The following ACACA variants were observed in gnomAD, a reference collection of about 807,000 sequenced individuals.
The protein encoded by ACACA is acetyl-CoA carboxylase alpha, also known as acetyl-CoA carboxylase 1.
ACACA carries 103 observed loss-of-function variants against 296.1 expected under a neutral mutation model. The observed-to-expected ratio is 0.35, with a 90% confidence interval of 0.30 to 0.41. The LOEUF (loss-of-function observed/expected upper bound fraction) is 0.41. Ranked by LOEUF, ACACA falls within the 10% of genes least tolerant of loss-of-function variation. The pLI, the probability that ACACA is intolerant of heterozygous loss-of-function variation, is 1.00. For missense variants in ACACA, 1,554 were observed against 2,989.7 expected, an observed-to-expected ratio of 0.52 and a Z score of 11.20; for synonymous variants, 953 against 1,038.6, an observed-to-expected ratio of 0.92 and a Z score of 1.58.
chr17:37,224,287 A>C (rs1465451926), intron 27 of ACACA, among the ~76,000 whole-genome samples: 1 of 152,210 alleles, frequency 6.6e-6, no homozygotes, highest in South Asian at 2.1e-4. Flanking sequence ...CCTAGATTTC[A>C]GCTATTAACC....
At chr17:37,163,406 A>G (rs1208850991) in intron 41 of ACACA, among the ~76,000 whole-genome samples, 1 of 152,072 alleles carries the variant, frequency 6.6e-6, no homozygotes, top group Admixed American at 6.6e-5. Flanking sequence ...TGATCCAAAA[A>G]TAAACATCTT....
At chr17:37,403,299 G>A (rs961293283) in intron 1 of ACACA, among the ~76,000 whole-genome samples, 1 of 151,542 alleles carries the variant, frequency 6.6e-6, no homozygotes, top group Non-Finnish European at 1.5e-5. Context: ...CAAAAACCCA[G>A]AGGAGTACTG....
At chr17:37,147,069 C>A (rs2075842307) in intron 45 of ACACA, among the ~76,000 whole-genome samples, 1 of 151,962 alleles carries the variant, frequency 6.6e-6, no homozygotes, top group African/African-American at 2.4e-5. Flanking sequence ...CCCCTACAAC[C>A]TCTGAACACC....
chr17:37,267,934 T>C (rs970667341), intron 10 of ACACA, among the ~76,000 whole-genome samples: 1 of 152,130 alleles, frequency 6.6e-6, no homozygotes, highest in African/African-American at 2.4e-5. Flanking sequence ...CTAATTTTTG[T>C]ATTTTTAGTA....
chr17:37,339,066 A>C (rs1006159468), intron 2 of ACACA, among the ~76,000 whole-genome samples: 4 of 152,228 alleles, frequency 2.6e-5, no homozygotes, highest in African/African-American at 9.6e-5. Flanking sequence ...AGAACACCAA[A>C]AGTTACAGCA....
At position 37,113,517 on chromosome 17, in the gene ACACA, C is replaced by G. The variant is rs1310396770; in HGVS notation, c.6275-252G>C. ...ACAGTGTGTAAGTCTTCCAGATTGC[C>G]TTTCCATTTTATATCCTCTCTGAAT... On this transcript the variant is annotated intron_variant, in intron 50 of 55. Coordinates refer to ENST00000616317, the MANE Select transcript of ACACA (RefSeq NM_198834.3). This position sits in a 1 kb window ranked among gnomAD's most constrained non-coding sequence, Gnocchi z 4.0. Among the ~76,000 whole-genome samples the G allele has an allele frequency of 6.6e-6, 1 of 152,164 alleles. No individual in the cohort carries two copies. Among genetic ancestry groups the G allele is most frequent in the Non-Finnish European group, 1.5e-5 (1 of 68,026 alleles).
intron 3 of ACACA, among the ~76,000 whole-genome samples, chr17:37,297,741 G>C (rs973819427): frequency 1.3e-5 from 2 of 151,886 alleles, no homozygotes; most frequent in Admixed American, 1.3e-4. Context: ...AGTAGAGACG[G>C]GGTTTCACCA....
Position 37,159,826 on chromosome 17 carries a change from A to T in ACACA, c.5349+1955T>A, listed in dbSNP as rs554216326. Among the ~76,000 whole-genome samples the T allele has an allele frequency of 7.2e-5, 11 of 152,366 alleles. 1 individual carries two copies. The East Asian group carries it at 2.1e-3, about 29-fold the overall frequency. On this transcript the variant is annotated intron_variant, in intron 42 of 55. Coordinates refer to ENST00000616317, the MANE Select transcript of ACACA (RefSeq NM_198834.3). ...TCTTACATTTAAAGATGTGAAAGGC[A>T]GCAAAGGAAACTGAGAAAGAGGAGC... is the stretch of plus-strand genomic sequence containing the variant.
intron 3 of ACACA, among the ~76,000 whole-genome samples, chr17:37,300,496 A>G (rs1184971471): frequency 6.6e-6 from 1 of 152,194 alleles, no homozygotes; most frequent in Non-Finnish European, 1.5e-5. Flanking sequence ...ACCATAAAAA[A>G]TTTATTCCCA....
chr17:37,241,939 T>C lies in ACACA; in HGVS notation c.3032+14A>G. 6.2e-7 allele frequency: 1 copy of C among 1,605,130 alleles called. No individual in the cohort carries two copies. Among genetic ancestry groups the C allele is most frequent in the African/African-American group, 1.3e-5 (1 of 74,768 alleles). ...TATGGACAGGTCTGGGAATCTGGAG[T>C]TACAAGTTACTACCTCTGTACCAGC... On this transcript the variant is annotated intron_variant, in intron 23 of 55. Transcript: ENST00000616317.
chr17:37,287,563 C>A (rs1166571891), intron 3 of ACACA, among the ~76,000 whole-genome samples: 4 of 131,270 alleles, frequency 3.0e-5, no homozygotes, highest in Non-Finnish European at 4.7e-5. Context: ...GAAACCACGT[C>A]TCTACTAAAA....
At chr17:37,126,137 G>C (rs1018622637) in intron 47 of ACACA, among the ~76,000 whole-genome samples, 1 of 152,190 alleles carries the variant, frequency 6.6e-6, no homozygotes, top group Non-Finnish European at 1.5e-5. Context: ...AGGCTGCCAA[G>C]TCATTAAAGA....
chr17:37,132,613 T>C (rs2075153350), intron 45 of ACACA, among the ~76,000 whole-genome samples: 1 of 152,212 alleles, frequency 6.6e-6, no homozygotes, highest in South Asian at 2.1e-4. Flanking sequence ...ACAATCTAGG[T>C]CAGGAGCCAA....
At chr17:37,092,134 G>C (rs1226006926) in intron 54 of ACACA, among the ~76,000 whole-genome samples, 2 of 151,854 alleles carry the variant, frequency 1.3e-5, no homozygotes, top group Non-Finnish European at 2.9e-5. Flanking sequence ...AAAAAAATCA[G>C]CCAGGTGGGG....
chr17:37,233,465 A>G (rs1182498659), intron 25 of ACACA, among the ~76,000 whole-genome samples: 2 of 152,220 alleles, frequency 1.3e-5, no homozygotes, highest in Non-Finnish European at 2.9e-5. Flanking sequence ...CCGCTGCTCC[A>G]AGGATTCTAG....
intron 52 of ACACA, 26 bp downstream of exon 52, chr17:37,111,504 AT>A: frequency 6.4e-7 from 1 of 1,561,998 alleles, no homozygotes; most frequent in South Asian, 1.1e-5. Context: ...TGGCTCATTG[AT>A]TTGCCAGAAG....
intron 29 of ACACA, among the ~76,000 whole-genome samples, chr17:37,215,908 A>G (rs1397694128): frequency 1.3e-5 from 2 of 152,128 alleles, no homozygotes; most frequent in Non-Finnish European, 2.9e-5. Context: ...CAGAATCTTC[A>G]ATGAGAGAAT....
intron 41 of ACACA, among the ~76,000 whole-genome samples, chr17:37,176,865 C>G (rs1377288022): frequency 6.6e-6 from 1 of 152,158 alleles, no homozygotes; most frequent in African/African-American, 2.4e-5. Context: ...ACTGACTTCA[C>G]CAGCCATCCT....
At chr17:37,108,422 C>T (rs2073807664) in intron 52 of ACACA, among the ~76,000 whole-genome samples, 1 of 150,884 alleles carries the variant, frequency 6.6e-6, no homozygotes, top group Admixed American at 6.6e-5. Flanking sequence ...GGGATTTGCT[C>T]TTCTTGCCCA....
Sources: allele counts gnomAD v4.1 joint callset (sites outside exome capture counted in the v4.1 genomes callset), GRCh38; gene constraint gnomAD v4.1.1; non-coding constraint Gnocchi (gnomAD v3.1); transcripts MANE v1.5; gene names NCBI Gene and HGNC (gene_info 2026-07-23, HGNC 2026-07-21).